Variants in CNTNAP2 observed in about 807,000 individuals in gnomAD.
CNTNAP2 encodes contactin associated protein 2.
CNTNAP2 carries 98 observed loss-of-function variants against 155.2 expected under a neutral mutation model. The observed-to-expected ratio is 0.63, with a 90% CI of 0.54 to 0.75. CNTNAP2 has a LOEUF of 0.75. Among genes scored for constraint, CNTNAP2 ranks in the 30% least tolerant of loss-of-function variants. The pLI is 0.00. For synonymous variants in CNTNAP2, 651 were observed against 631.2 expected, an observed-to-expected ratio of 1.03 and a Z score of -0.47; for missense variants, 1,727 against 1,688.1, an observed-to-expected ratio of 1.02 and a Z score of -0.40.
At chr7:147,077,065 A>G (rs12540811) in intron 4 of CNTNAP2, among the ~76,000 whole-genome samples, 1,539 of 152,300 alleles carry the variant, frequency 0.01, 17 homozygotes, top group Non-Finnish European at 0.015. Context: ...CTTAGAAAAT[A>G]TATCGTTTAG....
At chr7:147,485,410 C>T (rs1478469990) in intron 10 of CNTNAP2, among the ~76,000 whole-genome samples, 1 of 152,076 alleles carries the variant, frequency 6.6e-6, no homozygotes, top group Non-Finnish European at 1.5e-5. Context: ...TTTAGTTATC[C>T]AGTGGGAAAT....
At chr7:147,065,011 T>G (rs1416194272) in intron 4 of CNTNAP2, among the ~76,000 whole-genome samples, 1 of 152,202 alleles carries the variant, frequency 6.6e-6, no homozygotes, top group East Asian at 1.9e-4. Context: ...ATCTGTTCTA[T>G]ACATGTTTTT....
intron 1 of CNTNAP2, among the ~76,000 whole-genome samples, chr7:146,560,016 C>G (rs1356351038): frequency 6.6e-6 from 1 of 152,184 alleles, no homozygotes; most frequent in Non-Finnish European, 1.5e-5. Context: ...TTATCTTTCA[C>G]CAGTTAAAAC....
intron 2 of CNTNAP2, among the ~76,000 whole-genome samples, chr7:146,777,176 G>A (rs1220479996): frequency 6.6e-6 from 1 of 151,502 alleles, no homozygotes; most frequent in Non-Finnish European, 1.5e-5. Context: ...CGTTGGGAAA[G>A]AAAGTGTTGT....
intron 10 of CNTNAP2, among the ~76,000 whole-genome samples, chr7:147,440,916 T>C (rs1797625948): frequency 6.6e-6 from 1 of 152,118 alleles, no homozygotes; most frequent in Admixed American, 6.5e-5. Context: ...GCTTTTGGAG[T>C]TTGATTATTA....
chr7:146,579,298 C>T (rs1033096247), intron 1 of CNTNAP2, among the ~76,000 whole-genome samples: 25 of 151,964 alleles, frequency 1.6e-4, no homozygotes, highest in African/African-American at 5.8e-4. Flanking sequence ...TTTCTGAGCT[C>T]TATAGAGGAA....
At chr7:147,089,399 C>T (rs1800350601) in intron 4 of CNTNAP2, among the ~76,000 whole-genome samples, 1 of 152,198 alleles carries the variant, frequency 6.6e-6, no homozygotes, top group South Asian at 2.1e-4. Flanking sequence ...TCCACTGCGA[C>T]TCACACAGAG....
intron 13 of CNTNAP2, among the ~76,000 whole-genome samples, chr7:147,787,545 T>C (rs1797758793): frequency 6.6e-6 from 1 of 152,272 alleles, no homozygotes; most frequent in South Asian, 2.1e-4. Context: ...TTTTGTATTC[T>C]GTAGTTATAG....
At position 146,240,458 on chromosome 7, in the gene CNTNAP2, T is replaced by C. The variant is rs570554150; in HGVS notation, c.97+123485T>C. ...GAAGAAGCATTCCTCTAATGAAAAA[T>C]ATTAATCAGAACCATATTTGCTAAT... is the stretch of plus-strand genomic sequence containing the variant. On this transcript the variant is annotated intron_variant, in intron 1 of 23. Transcript: ENST00000361727. Among the ~76,000 whole-genome samples, 8 of 152,062 alleles carry C rather than the reference T, an allele frequency of 5.3e-5. 1 individual carries two copies. The South Asian group carries it at 1.0e-3, about 20-fold the overall frequency.
intron 2 of CNTNAP2, among the ~76,000 whole-genome samples, chr7:146,788,737 T>C (rs558635188): frequency 6.6e-6 from 1 of 152,350 alleles, no homozygotes; most frequent in South Asian, 2.1e-4. Flanking sequence ...TCCTGTCCTT[T>C]GGTAGTGACT....
rs777629499 is a variant in CNTNAP2 at position 147,176,084 on chromosome 7, T to C, written c.1348+43575T>C. Among the ~76,000 whole-genome samples the C allele has an allele frequency of 2.0e-5, 3 of 152,154 alleles. No homozygotes were observed. The East Asian group carries it at 5.8e-4, about 29-fold the overall frequency. On this transcript the variant is annotated intron_variant, in intron 8 of 23. Transcript: ENST00000361727. The stretch of plus-strand genomic sequence containing the variant: ...GTCTGAGTATTTAACAGAAGTCCCG[T>C]ACTCATAAGGATGGCTAGACCTGAA...
intron 1 of CNTNAP2, among the ~76,000 whole-genome samples, chr7:146,247,219 A>C (rs1799675684): frequency 6.6e-6 from 1 of 152,166 alleles, no homozygotes; most frequent in Non-Finnish European, 1.5e-5. Context: ...ACGCACACTG[A>C]TTTGGGAGAG....
intron 1 of CNTNAP2, among the ~76,000 whole-genome samples, chr7:146,486,704 A>G (rs1797063734): frequency 6.6e-6 from 1 of 152,158 alleles, no homozygotes; most frequent in Admixed American, 6.5e-5. Context: ...ATCTGGGAGC[A>G]AGTTTAATTG....
At chr7:146,963,630 G>A (rs1474164869) in intron 3 of CNTNAP2, among the ~76,000 whole-genome samples, 1 of 151,906 alleles carries the variant, frequency 6.6e-6, no homozygotes, top group East Asian at 1.9e-4. Context: ...ACGATGTATA[G>A]TGCCTAAATA....
chr7:146,942,286 T>C (rs1473960084), intron 3 of CNTNAP2, among the ~76,000 whole-genome samples: 1 of 152,126 alleles, frequency 6.6e-6, no homozygotes. Context: ...AACAAATTTA[T>C]ATATGCTGGA....
chr7:147,446,385 A>T lies in CNTNAP2; in HGVS notation c.1671-39550A>T, dbSNP rs1797740499. 4.6e-5 allele frequency among the ~76,000 whole-genome samples: 7 copies of T among 152,290 alleles called. No individual in the cohort carries two copies. The South Asian group carries it at 1.5e-3, about 32-fold the overall frequency. ...ATTTCTTCTTGCTTTTAGCTGGGAG[A>T]GTCCTTAAGTGTATCACTGAAAGTG... On this transcript the variant is annotated intron_variant, in intron 10 of 23. Coordinates refer to ENST00000361727, the MANE Select transcript of CNTNAP2 (RefSeq NM_014141.6).
intron 14 of CNTNAP2, among the ~76,000 whole-genome samples, chr7:147,976,170 A>T (rs1801423364): frequency 1.3e-5 from 2 of 152,184 alleles, no homozygotes; most frequent in Non-Finnish European, 2.9e-5. Flanking sequence ...AAAAGAAGTG[A>T]TGGGCAGAAT....
chr7:147,665,110 A>G (rs144351780), intron 13 of CNTNAP2, among the ~76,000 whole-genome samples: 2,542 of 152,270 alleles, frequency 0.017, 225 homozygotes, highest in Admixed American at 0.15. Flanking sequence ...CCTGTGCCCC[A>G]ATGAACCCCT....
At chr7:146,630,297 T>TG (rs1037899334) in intron 1 of CNTNAP2, among the ~76,000 whole-genome samples, 41 of 152,292 alleles carry the variant, frequency 2.7e-4, no homozygotes, top group African/African-American at 9.1e-4. Flanking sequence ...TCCATGTCCC[T>TG]GCAAAGGACA....
Sources: gnomAD v4.1 joint callset for allele counts (sites outside exome capture counted in the v4.1 genomes callset) on GRCh38, gnomAD v4.1.1 for gene constraint, MANE v1.5 for transcripts, NCBI Gene and HGNC (gene_info 2026-07-23, HGNC 2026-07-21) for gene names.